The following LPP variants were observed in gnomAD, a reference collection of about 807,000 sequenced individuals.
The protein encoded by LPP is LIM domain containing preferred translocation partner in lipoma.
LPP carries 38 observed loss-of-function variants against 60.4 expected under a neutral mutation model. The ratio of observed to expected loss-of-function variants is 0.63; its 90% CI spans 0.49 to 0.83. The LOEUF is 0.83. Among genes scored for constraint, LPP ranks in the 40% least tolerant of loss-of-function variants. LPP has a pLI of 0.00. For synonymous variants in LPP, 328 were observed against 290.8 expected (o/e 1.13, Z -1.30); for missense variants, 902 against 783.6 (o/e 1.15, Z -1.80).
intron 4 of LPP, among the ~76,000 whole-genome samples, chr3:188,416,684 A>G (rs1442010020): frequency 6.6e-6 from 1 of 152,144 alleles, no homozygotes; most frequent in Non-Finnish European, 1.5e-5. Context: ...TTCATTATAG[A>G]CACCAATCGT....
At chr3:188,577,606 A>G (rs923025386) in intron 6 of LPP, among the ~76,000 whole-genome samples, 1 of 151,586 alleles carries the variant, frequency 6.6e-6, no homozygotes, top group South Asian at 2.1e-4. Context: ...ATATGTATGT[A>G]TATACATATG....
intron 7 of LPP, among the ~76,000 whole-genome samples, chr3:188,623,683 T>C (rs567285269): frequency 5.9e-5 from 9 of 152,354 alleles, no homozygotes; most frequent in African/African-American, 2.2e-4. Context: ...TGCGAAAGTA[T>C]GTTTTAAAAA....
intron 3 of LPP, among the ~76,000 whole-genome samples, chr3:188,404,589 C>A (rs1310332114): frequency 6.6e-6 from 1 of 152,060 alleles, no homozygotes; most frequent in Non-Finnish European, 1.5e-5. Flanking sequence ...AGAGGCGATG[C>A]CGTTCAAAGT....
intron 4 of LPP, among the ~76,000 whole-genome samples, chr3:188,435,992 C>G (rs1457845098): frequency 6.6e-6 from 1 of 152,196 alleles, no homozygotes; most frequent in Non-Finnish European, 1.5e-5. Context: ...ATTTGAACTT[C>G]CATTCTTCCT....
chr3:188,401,431 T>C (rs1345766552), intron 3 of LPP, among the ~76,000 whole-genome samples: 1 of 152,224 alleles, frequency 6.6e-6, no homozygotes, highest in Non-Finnish European at 1.5e-5. Context: ...AGTTTTCTTT[T>C]ATTTACTCAG....
intron 2 of LPP, among the ~76,000 whole-genome samples, chr3:188,279,723 TG>T (rs1228813117): frequency 6.6e-6 from 1 of 152,222 alleles, no homozygotes; most frequent in African/African-American, 2.4e-5. Flanking sequence ...TGTGATGTAA[TG>T]TGAGGAAACA....
chr3:188,805,474 G>A lies in LPP; in HGVS notation c.1410+45192G>A, dbSNP rs150502480. Among the ~76,000 whole-genome samples, 345 of 151,536 alleles carry A rather than the reference G, an allele frequency of 2.3e-3. 2 individuals carry two copies. Among genetic ancestry groups the A allele is most frequent in the African/African-American group, 8.0e-3 (330 of 41,398 alleles). On this transcript the variant is annotated intron_variant, in intron 9 of 11. Transcript: ENST00000617246. ...CTCATTCATGATATTTATAATTAATGTCTTATTTCTTTTTTTTCTTCTTGG... is the reference window on the plus strand; with the variant it reads ...CTCATTCATGATATTTATAATTAATATCTTATTTCTTTTTTTTCTTCTTGG...
chr3:188,312,884 A>G (rs1753889394), intron 2 of LPP: 1 of 152,208 alleles, frequency 6.6e-6, no homozygotes, highest in Non-Finnish European at 1.5e-5. Flanking sequence ...TATCGCAAGG[A>G]CAGAAAACCA....
intron 6 of LPP, among the ~76,000 whole-genome samples, chr3:188,597,170 G>A (rs1220276812): frequency 1.3e-5 from 2 of 152,136 alleles, no homozygotes; most frequent in East Asian, 1.9e-4. Context: ...CCTGAGCCTT[G>A]TTTCCTTGAG....
intron 8 of LPP, chr3:188,708,897 T>C (rs1577130757): frequency 6.4e-6 from 1 of 156,270 alleles, no homozygotes; most frequent in Admixed American, 6.5e-5. Context: ...TTGTTTTTGT[T>C]TTTTGTTTTA....
chr3:188,578,026 T>C (rs1835169946), intron 6 of LPP, among the ~76,000 whole-genome samples: 1 of 152,006 alleles, frequency 6.6e-6, no homozygotes, highest in Non-Finnish European at 1.5e-5. Flanking sequence ...AGAGATGAGA[T>C]TTTTGAAAGA....
intron 4 of LPP, among the ~76,000 whole-genome samples, chr3:188,418,203 GA>G (rs1786847765): frequency 1.3e-5 from 2 of 152,118 alleles, no homozygotes; most frequent in African/African-American, 4.8e-5. Flanking sequence ...AATAAATGTA[GA>G]AGTCACATTT....
chr3:188,465,204 G>A (rs1331432220), intron 4 of LPP, among the ~76,000 whole-genome samples: 1 of 152,066 alleles, frequency 6.6e-6, no homozygotes, highest in East Asian at 1.9e-4. Flanking sequence ...GTAACAGATA[G>A]AAGTGACACC....
intron 1 of LPP, among the ~76,000 whole-genome samples, chr3:188,192,392 G>T (rs1445763076): frequency 2.0e-5 from 3 of 152,322 alleles, no homozygotes; most frequent in South Asian, 4.1e-4. Flanking sequence ...GAGCACAGTC[G>T]TCCTGTTAAC....
chr3:188,317,485 G>C (rs1755430268), intron 2 of LPP, among the ~76,000 whole-genome samples: 1 of 152,128 alleles, frequency 6.6e-6, no homozygotes, highest in African/African-American at 2.4e-5. Flanking sequence ...GTCTCCTTCT[G>C]TTAAATGGGC....
intron 7 of LPP, among the ~76,000 whole-genome samples, chr3:188,665,040 T>C (rs1271845150): frequency 2.0e-5 from 3 of 152,186 alleles, no homozygotes; most frequent in African/African-American, 7.2e-5. Context: ...ACCACGTCTT[T>C]GGAGAGCCAC....
At position 188,171,922 on chromosome 3, in the gene LPP, A is replaced by C. The variant is rs189702014; in HGVS notation, c.-190+17670A>C. Among the ~76,000 whole-genome samples, 11 of 152,322 alleles carry C rather than the reference A, an allele frequency of 7.2e-5. No homozygotes were observed. In the East Asian group the frequency reaches 1.2e-3, roughly 16 times the overall value. On this transcript the variant is annotated intron_variant, in intron 1 of 11. Coordinates refer to ENST00000617246, the MANE Select transcript of LPP (RefSeq NM_001375462.1). The stretch of plus-strand genomic sequence containing the variant: ...ACTTCAGGGATGAAAATGTCAGCAG[A>C]CAGCCAGCAAGTAGCCGACTAGAGG...
chr3:188,837,242 G>A (rs1758678823), intron 9 of LPP, among the ~76,000 whole-genome samples: 1 of 151,926 alleles, frequency 6.6e-6, no homozygotes, highest in Admixed American at 6.6e-5. Flanking sequence ...AGCCAGGTGT[G>A]GTGGCTGGCG....
intron 2 of LPP, among the ~76,000 whole-genome samples, chr3:188,339,427 G>T (rs1021200091): frequency 6.6e-6 from 1 of 152,144 alleles, no homozygotes; most frequent in African/African-American, 2.4e-5. Flanking sequence ...CCATTCTCAC[G>T]CTGCTATAAA....
Sources: gnomAD v4.1 joint callset for allele counts (sites outside exome capture counted in the v4.1 genomes callset) on GRCh38, gnomAD v4.1.1 for gene constraint, MANE v1.5 for transcripts, NCBI Gene and HGNC (gene_info 2026-07-23, HGNC 2026-07-21) for gene names.